The following CEP78 variants were observed in gnomAD, a reference collection of about 807,000 sequenced individuals.
The protein encoded by CEP78 is centrosomal protein of 78 kDa.
CEP78 carries 76 observed loss-of-function variants against 81.2 expected under a neutral mutation model. The observed-to-expected ratio is 0.94, with a 90% CI of 0.78 to 1.13. CEP78 has a LOEUF of 1.13. Among genes scored for constraint, CEP78 ranks in the 50% most tolerant of loss-of-function variants. The pLI, the probability that CEP78 is intolerant of heterozygous loss-of-function variation, is 0.00. For synonymous variants in CEP78, 293 were observed against 301.4 expected (o/e 0.97, Z 0.29); for missense variants, 918 against 846.8 (o/e 1.08, Z -1.04).
rs1293995986 is a variant in CEP78 at position 78,253,283 on chromosome 9, T to C, written c.1251+6T>C. 3.1e-6 allele frequency: 4 copies of C among 1,283,332 alleles called. No homozygotes were observed. In the South Asian group the frequency reaches 5.0e-5, roughly 16 times the overall value. The allele number at this position is 1,283,332 out of a possible 1,614,324, so 79.5% of individuals were successfully genotyped here. ...ATATATGTAATCAGTTGCAGGTACG[T>C]AGTTACCATGTTTATAATATGTAGG... On this transcript the variant is annotated splice_donor_region_variant and intron_variant, in intron 10 of 16. Coordinates refer to ENST00000643273, the MANE Select transcript of CEP78 (RefSeq NM_001330691.3).
At chr9:78,264,542 G>A (rs1179354706) in intron 13 of CEP78, among the ~76,000 whole-genome samples, 1 of 151,614 alleles carries the variant, frequency 6.6e-6, no homozygotes. Context: ...TGGCTTGGTG[G>A]TTTGCACCTG....
At position 78,250,174 on chromosome 9, in the gene CEP78, T is replaced by C. The variant is rs1237464998; in HGVS notation, c.1069+1301T>C. On this transcript the variant is annotated intron_variant, in intron 8 of 16. Coordinates refer to ENST00000643273, the MANE Select transcript of CEP78 (RefSeq NM_001330691.3). The stretch of plus-strand genomic sequence containing the variant: ...TGATTAAAGAAATTGGAAATGTGAC[T>C]GAAGTTTACAAGCTCACTGAGCTAT... The C allele has an allele frequency of 1.2e-4, 47 of 397,822 alleles. 1 individual carries two copies. 24.6% of individuals were successfully genotyped at this position (397,822 alleles called of 1,614,324 possible). A position where few individuals can be genotyped will look rare whatever the true frequency, so the allele number is the denominator to read the frequency against.
intron 11 of CEP78, among the ~76,000 whole-genome samples, chr9:78,260,942 T>C (rs989291580): frequency 6.6e-6 from 1 of 151,850 alleles, no homozygotes; most frequent in African/African-American, 2.4e-5. Flanking sequence ...CGTTGGAGAA[T>C]ACTTGTTTTT....
At chr9:78,236,767 A>T (rs1825964120) in intron 1 of CEP78, 164 bp downstream of exon 1, 1 of 829,338 alleles carries the variant, frequency 1.2e-6, no homozygotes, top group African/African-American at 1.8e-5. Context: ...CAGTGTGCTC[A>T]TCCGTAACAT....
chr9:78,251,120 G>C (rs1342177940), intron 8 of CEP78, among the ~76,000 whole-genome samples: 1 of 152,028 alleles, frequency 6.6e-6, no homozygotes, highest in East Asian at 1.9e-4. Context: ...ATATTAATAG[G>C]TAGGTCTAGC....
Position 78,243,343 on chromosome 9 carries a change from C to A in CEP78, c.604-119C>A, listed in dbSNP as rs756306664. On this transcript the variant is annotated intron_variant, in intron 4 of 16. Transcript: ENST00000643273. ...TAATCAGTCTGTCAGATTAACCCAC[C>A]TGGCATATGTACCTGGTGTGTGTGT... 5.9e-4 allele frequency: 442 copies of A among 745,300 alleles called. 2 individuals carry two copies. Among genetic ancestry groups the A allele is most frequent in the Non-Finnish European group, 8.2e-4 (399 of 485,300 alleles). 46.2% of individuals were successfully genotyped at this position (745,300 alleles called of 1,614,324 possible).
chr9:78,240,265 A>T, intron 2 of CEP78, 27 bp from the exon 3 acceptor site: 1 of 1,610,568 alleles, frequency 6.2e-7, no homozygotes, highest in Non-Finnish European at 8.5e-7. Flanking sequence ...CCTCAATAAC[A>T]TTTTTAACTT....
Position 78,271,175 on chromosome 9 carries a change from C to T in CEP78, c.*324C>T, listed in dbSNP as rs180701282. 13 of 208,718 alleles carry T rather than the reference C, an allele frequency of 6.2e-5. No individual in the cohort carries two copies. The highest frequency in any genetic ancestry group is 1.6e-4 in the South Asian group (1 of 6,390). 12.9% of individuals were successfully genotyped at this position (208,718 alleles called of 1,614,324 possible). ...TCTAACTATGATGACCTGCCACTTC[C>T]GTTTATAATCACCATATAAGTGCCT... On this transcript the variant is annotated 3_prime_UTR_variant, in exon 17 of 17. Coordinates refer to ENST00000643273, the MANE Select transcript of CEP78 (RefSeq NM_001330691.3).
chr9:78,259,223 TTCAC>T (rs1239617945), intron 11 of CEP78, among the ~76,000 whole-genome samples: 1 of 152,232 alleles, frequency 6.6e-6, no homozygotes, highest in Non-Finnish European at 1.5e-5. Flanking sequence ...GAAGTGTGCA[TTCAC>T]TATGATTCCC....
intron 16 of CEP78, among the ~76,000 whole-genome samples, chr9:78,267,502 G>T (rs544145982): frequency 3.9e-5 from 6 of 152,336 alleles, no homozygotes; most frequent in Admixed American, 2.6e-4. Flanking sequence ...AACCCTATAA[G>T]ATAGGGAACT....
At position 78,276,819 on chromosome 9, in the gene CEP78, T is replaced by C. The variant is rs866366940; in HGVS notation, c.*5968T>C. ...CATGTATAAGACCCAACATAATAAA[T>C]AGTTCTACCAAATTAATTTATAAAT... On this transcript the variant is annotated 3_prime_UTR_variant, in exon 17 of 17. Coordinates refer to ENST00000643273, the MANE Select transcript of CEP78 (RefSeq NM_001330691.3). 2 of 152,180 alleles carry C rather than the reference T, an allele frequency of 1.3e-5. No individual in the cohort carries two copies. The highest frequency in any genetic ancestry group is 2.4e-5 in the African/African-American group (1 of 41,452). The allele number at this position is 152,180 out of a possible 1,614,324, so 9.4% of individuals were successfully genotyped here.
intron 16 of CEP78, among the ~76,000 whole-genome samples, chr9:78,268,325 A>G (rs1403039684): frequency 6.6e-6 from 1 of 152,218 alleles, no homozygotes; most frequent in East Asian, 1.9e-4. Context: ...CACAAACACA[A>G]GTAGTTGAGA....
In CEP78 at chr9:78,261,719, A is replaced by C. The variant is rs1827284633; in HGVS notation, c.1381-1188A>C. Among the ~76,000 whole-genome samples, 4 of 152,242 alleles carry C rather than the reference A, an allele frequency of 2.6e-5. No homozygotes were observed. The South Asian group carries it at 8.3e-4, about 32-fold the overall frequency. On this transcript the variant is annotated intron_variant, in intron 11 of 16. Transcript: ENST00000643273. Reference sequence around the variant, plus strand: ...TCCAATTGTGATAAGTTTTTTGCTTATTTCCATGTTTGGTTAGAAGTTCTT... The same window carrying C: ...TCCAATTGTGATAAGTTTTTTGCTTCTTTCCATGTTTGGTTAGAAGTTCTT...
chr9:78,278,127 C>T lies in CEP78; in HGVS notation c.*7276C>T, dbSNP rs1827840981. 6.6e-6 allele frequency: 1 copy of T among 152,152 alleles called. No homozygotes were observed. The allele number at this position is 152,152 out of a possible 1,614,324, so 9.4% of individuals were successfully genotyped here. A position where few individuals can be genotyped will look rare whatever the true frequency, so the allele number is the denominator to read the frequency against. On this transcript the variant is annotated 3_prime_UTR_variant, in exon 17 of 17. Coordinates refer to ENST00000643273, the MANE Select transcript of CEP78 (RefSeq NM_001330691.3). ...AAAAAGGGGGGCTTCTCACATTTTA[C>T]TCCATTTAATTCTAGGTTGTTTGGT... is the stretch of plus-strand genomic sequence containing the variant.
chr9:78,236,466 G>T lies in CEP78; in HGVS notation c.116G>T (p.Arg39Leu). ...VPLPAVRACLREGVLDFNADR... is the reference protein window; with the variant it reads ...VPLPAVRACLLEGVLDFNADR... ...CTGCCCGCCGTGCGCGCCTGTCTCCGGGAGGGCGTGCTGGATTTCAACGCC... is the reference window on the plus strand; with the variant it reads ...CTGCCCGCCGTGCGCGCCTGTCTCCTGGAGGGCGTGCTGGATTTCAACGCC... The change falls in exon 1 of 17, where the codon CGG becomes CTG. Residue 39 changes from arginine (R) to leucine (L), a missense_variant. Physicochemically the swap from Arg to Leu is moderately radical, Grantham distance 102 (BLOSUM62 -2). Transcript: ENST00000643273. The T allele has an allele frequency of 6.2e-7, 1 of 1,606,306 alleles. No homozygotes were observed. The highest frequency in any genetic ancestry group is 1.1e-5 in the South Asian group (1 of 89,528).
chr9:78,251,878 G>A, intron 8 of CEP78, 30 bp from the exon 9 acceptor site: 3 of 1,588,642 alleles, frequency 1.9e-6, no homozygotes, highest in Non-Finnish European at 2.6e-6. Context: ...AGTGCATCTT[G>A]ATTCTTTCTT....
At chr9:78,249,595 T>G (rs1826658352) in intron 8 of CEP78, 1 of 152,096 alleles carries the variant, frequency 6.6e-6, no homozygotes, top group Admixed American at 6.5e-5. Context: ...GGCATAAATT[T>G]TACATTCTCC....
intron 4 of CEP78, among the ~76,000 whole-genome samples, chr9:78,242,618 T>C (rs1313055540): frequency 6.6e-6 from 1 of 152,238 alleles, no homozygotes; most frequent in African/African-American, 2.4e-5. Context: ...TTTCCTCTTA[T>C]TGCTTTTATA....
rs1035640584 is a variant in CEP78 at position 78,273,645 on chromosome 9, G to A, written c.*2794G>A. ...GCCTGTAATCCCAGCTACTCGGGAG[G>A]CTGAGGCAGGAGAATCGCTTGAACC... On this transcript the variant is annotated 3_prime_UTR_variant, in exon 17 of 17. Transcript: ENST00000643273. The A allele has an allele frequency of 1.3e-5, 2 of 152,306 alleles. No homozygotes were observed. Among genetic ancestry groups the A allele is most frequent in the Non-Finnish European group, 2.9e-5 (2 of 68,162 alleles). 9.4% of individuals were successfully genotyped at this position (152,306 alleles called of 1,614,324 possible). A position where few individuals can be genotyped will look rare whatever the true frequency, so the allele number is the denominator to read the frequency against.
Sources: allele counts gnomAD v4.1 joint callset (sites outside exome capture counted in the v4.1 genomes callset), GRCh38; gene constraint gnomAD v4.1.1; transcripts MANE v1.5; gene names NCBI Gene and HGNC (gene_info 2026-07-23, HGNC 2026-07-21).